The following LRRC75A variants were observed in gnomAD, a reference collection of about 807,000 sequenced individuals.
The protein encoded by LRRC75A is leucine-rich repeat-containing protein 75A.
LRRC75A carries 12 observed loss-of-function variants against 26.0 expected under a neutral mutation model. That is an observed-to-expected ratio of 0.46 (90% CI 0.30 to 0.75). The LOEUF is 0.75. Among genes scored for constraint, LRRC75A ranks in the 30% least tolerant of loss-of-function variants. The pLI is 0.08. For synonymous variants in LRRC75A, 223 were observed against 219.3 expected (o/e 1.02, Z -0.15); for missense variants, 410 against 486.6 (o/e 0.84, Z 1.48).
chr17:16,475,233 T>C (rs1377083818), intron 1 of LRRC75A, among the ~76,000 whole-genome samples: 1 of 152,140 alleles, frequency 6.6e-6, no homozygotes, highest in African/African-American at 2.4e-5. Context: ...CCCCTAGAAA[T>C]TTCTGACTCT....
rs533713626 is a variant in LRRC75A, at chr17:16,466,085, G to A, written c.247-3699C>T. Among the ~76,000 whole-genome samples the A allele has an allele frequency of 6.6e-5, 10 of 152,360 alleles. No individual in the cohort carries two copies. In the South Asian group the frequency reaches 1.7e-3, roughly 25 times the overall value. On this transcript the variant is annotated intron_variant, in intron 1 of 3. Coordinates refer to ENST00000470794, the MANE Select transcript of LRRC75A (RefSeq NM_001113567.3). Reference sequence around the variant, plus strand: ...CCACCTAGGCCCACAGGATGCTTGTGCTAACTGAGGGCACTTCATAGTCCT... The same window carrying A: ...CCACCTAGGCCCACAGGATGCTTGTACTAACTGAGGGCACTTCATAGTCCT...
Position 16,443,768 on chromosome 17 carries a change from C to T in LRRC75A, c.855G>A (p.Leu285=), listed in dbSNP as rs201834032. Residue 285 remains leucine (L), a synonymous_variant, in exon 4 of 4, where the codon CTG becomes CTA. Coordinates refer to ENST00000470794, the MANE Select transcript of LRRC75A (RefSeq NM_001113567.3). ...FSLPQPFLLS[L]RKRSPKQGHL... is the part of the protein sequence containing the mutation. ...GGCCCTGCTTTGGGGAGCGCTTGCGCAGGCTGAGCAGGAAGGGCTGGGGCA... is the reference window on the plus strand; with the variant it reads ...GGCCCTGCTTTGGGGAGCGCTTGCGTAGGCTGAGCAGGAAGGGCTGGGGCA... 41 of 1,613,818 alleles carry T rather than the reference C, an allele frequency of 2.5e-5. No homozygotes were observed. Among genetic ancestry groups the T allele is most frequent in the Non-Finnish European group, 3.3e-5 (39 of 1,179,718 alleles).
chr17:16,466,428 C>T (rs1307754883), intron 1 of LRRC75A, among the ~76,000 whole-genome samples: 1 of 152,236 alleles, frequency 6.6e-6, no homozygotes, highest in East Asian at 1.9e-4. Context: ...GTCCCTGCAG[C>T]CCCTCCTGTG....
chr17:16,443,565 T>G lies in LRRC75A; in HGVS notation c.*23A>C. ...CCCATTCTACCCAACAAGGACTCCC[T>G]GGTGAGGCCCTTCACTTCCATGTCA... On this transcript the variant is annotated 3_prime_UTR_variant, in exon 4 of 4. Coordinates refer to ENST00000470794, the MANE Select transcript of LRRC75A (RefSeq NM_001113567.3). The G allele has an allele frequency of 1.3e-6, 2 of 1,489,606 alleles. No individual in the cohort carries two copies. Among genetic ancestry groups the G allele is most frequent in the Non-Finnish European group, 1.8e-6 (2 of 1,111,668 alleles). 92.3% of individuals were successfully genotyped at this position (1,489,606 alleles called of 1,614,324 possible). A position where few individuals can be genotyped will look rare whatever the true frequency, so the allele number is the denominator to read the frequency against.
rs1166028673 is a variant in LRRC75A at position 16,491,534 on chromosome 17, C to A, written c.246+211G>T. Among the ~76,000 whole-genome samples, 1 of 152,238 alleles carries A rather than the reference C, an allele frequency of 6.6e-6. No individual in the cohort carries two copies. Among genetic ancestry groups the A allele is most frequent in the Non-Finnish European group, 1.5e-5 (1 of 68,032 alleles). On this transcript the variant is annotated intron_variant, in intron 1 of 3. Coordinates refer to ENST00000470794, the MANE Select transcript of LRRC75A (RefSeq NM_001113567.3). This position sits in a 1 kb window ranked among gnomAD's most constrained non-coding sequence, Gnocchi z 5.9. ...CAGGTCCCCTTCGGCGGGCCTCACCCGGCCAGCCTTCCTCCGCCCTGCCCT... is the reference window on the plus strand; with the variant it reads ...CAGGTCCCCTTCGGCGGGCCTCACCAGGCCAGCCTTCCTCCGCCCTGCCCT...
chr17:16,475,033 C>T (rs2093816513), intron 1 of LRRC75A, among the ~76,000 whole-genome samples: 1 of 151,860 alleles, frequency 6.6e-6, no homozygotes. Flanking sequence ...TTGGTTCATC[C>T]TCAAAGGATT....
At position 16,462,245 on chromosome 17, in the gene LRRC75A, A is replaced by G; in HGVS notation, c.375+13T>C. ...CCCCGGGACCTGGCTGGCTCGGACC[A>G]CAGCCACCCTACCGGCTTGGGACAG... is the stretch of plus-strand genomic sequence containing the variant. On this transcript the variant is annotated intron_variant, in intron 2 of 3. Coordinates refer to ENST00000470794, the MANE Select transcript of LRRC75A (RefSeq NM_001113567.3). The surrounding 1 kb of genome is among the most constrained non-coding windows in gnomAD (Gnocchi z 4.6). 1 of 1,613,924 alleles carries G rather than the reference A, an allele frequency of 6.2e-7. No homozygotes were observed. The highest frequency in any genetic ancestry group is 8.5e-7 in the Non-Finnish European group (1 of 1,179,912).
chr17:16,480,173 C>T (rs1159081001), intron 1 of LRRC75A, among the ~76,000 whole-genome samples: 2 of 152,212 alleles, frequency 1.3e-5, no homozygotes, highest in Non-Finnish European at 2.9e-5. Context: ...ACTGATTCCA[C>T]ATTATGGGGA....
At chr17:16,474,093 T>C (rs1203512536) in intron 1 of LRRC75A, among the ~76,000 whole-genome samples, 3 of 152,184 alleles carry the variant, frequency 2.0e-5, no homozygotes, top group Admixed American at 6.5e-5. Flanking sequence ...CTAAAGTAAG[T>C]TGGGAGGCGC....
chr17:16,443,630 G>T lies in LRRC75A; in HGVS notation c.993C>A (p.Asp331Glu). ...CTACAGTCTCCTTGCCCTCATGGTG[G>T]TCTTCGGCAGGTGCCACAGGGCCCC... ...PGGGPVAPAE[D>E]HHEGKETVAA... The change falls in exon 4 of 4, where the codon GAC becomes GAA. Residue 331 changes from aspartate to glutamate, a missense_variant. Transcript: ENST00000470794. 1.9e-6 allele frequency: 3 copies of T among 1,549,506 alleles called. No individual in the cohort carries two copies. Among genetic ancestry groups the T allele is most frequent in the African/African-American group, 1.4e-5 (1 of 73,148 alleles).
intron 2 of LRRC75A, among the ~76,000 whole-genome samples, chr17:16,461,446 C>T (rs113765151): frequency 1.4e-4 from 22 of 152,342 alleles, no homozygotes; most frequent in African/African-American, 4.8e-4. Context: ...TGTCCCCAGC[C>T]GGCCCTCCCC....
At chr17:16,484,113 G>A (rs2093840809) in intron 1 of LRRC75A, among the ~76,000 whole-genome samples, 3 of 152,068 alleles carry the variant, frequency 2.0e-5, no homozygotes, top group Admixed American at 1.3e-4. Flanking sequence ...TGAGGTGGGC[G>A]GATCATGAAG....
chr17:16,460,534 G>A lies in LRRC75A; in HGVS notation c.375+1724C>T, dbSNP rs535949047. ...TGTGAGGGGCAGGTTGGGGAGGGAG[G>A]GGAGCTCGGCTGCTCCCACCAGGCC... On this transcript the variant is annotated intron_variant, in intron 2 of 3. Coordinates refer to ENST00000470794, the MANE Select transcript of LRRC75A (RefSeq NM_001113567.3). Among the ~76,000 whole-genome samples the A allele has an allele frequency of 7.9e-5, 12 of 152,120 alleles. No homozygotes were observed. The East Asian group carries it at 2.1e-3, about 27-fold the overall frequency.
intron 2 of LRRC75A, among the ~76,000 whole-genome samples, chr17:16,452,852 C>T (rs2093644023): frequency 1.3e-5 from 2 of 152,100 alleles, no homozygotes; most frequent in African/African-American, 4.8e-5. Flanking sequence ...CCTGGAACCA[C>T]CCCAGGACAG....
chr17:16,445,575 C>T (rs1411641698), intron 3 of LRRC75A, among the ~76,000 whole-genome samples: 1 of 152,214 alleles, frequency 6.6e-6, no homozygotes, highest in African/African-American at 2.4e-5. Flanking sequence ...ATGGCTTGTA[C>T]TTCCTGGCAA....
At chr17:16,464,785 C>T (rs1210423453) in intron 1 of LRRC75A, among the ~76,000 whole-genome samples, 4 of 152,160 alleles carry the variant, frequency 2.6e-5, no homozygotes, top group African/African-American at 7.2e-5. Context: ...CGAGGGACCC[C>T]GGGACACAAA....
intron 3 of LRRC75A, 36 bp downstream of exon 3, chr17:16,447,809 G>A (rs1454051863): frequency 2.8e-5 from 40 of 1,454,234 alleles, no homozygotes; most frequent in African/African-American, 4.2e-5. Flanking sequence ...CACACACTCA[G>A]CCTGGCATAG....
rs187709236 is a variant in LRRC75A, at chr17:16,473,439, C to G, written c.247-11053G>C. On this transcript the variant is annotated intron_variant, in intron 1 of 3. Coordinates refer to ENST00000470794, the MANE Select transcript of LRRC75A (RefSeq NM_001113567.3). ...GCTGATGTCTAAGGTGGGCATTGCCCGGCTCCTGGTCCCAGTCTTGGGGGT... is the reference window on the plus strand; with the variant it reads ...GCTGATGTCTAAGGTGGGCATTGCCGGGCTCCTGGTCCCAGTCTTGGGGGT... 1.5e-3 allele frequency among the ~76,000 whole-genome samples: 224 copies of G among 152,290 alleles called. No homozygotes were observed. In the Middle Eastern group the frequency reaches 0.02, roughly 14 times the overall value.
At chr17:16,472,616 C>T (rs561418062) in intron 1 of LRRC75A, among the ~76,000 whole-genome samples, 16 of 152,302 alleles carry the variant, frequency 1.1e-4, no homozygotes, top group Admixed American at 7.2e-4. Context: ...TGCGCTGGGG[C>T]ATACGGAAAT....
Sources: gnomAD v4.1 joint callset for allele counts (sites outside exome capture counted in the v4.1 genomes callset) on GRCh38, gnomAD v4.1.1 for gene constraint, Gnocchi (gnomAD v3.1) non-coding constraint, MANE v1.5 for transcripts, NCBI Gene and HGNC (gene_info 2026-07-23, HGNC 2026-07-21) for gene names.